Variants in NKAIN2 observed in about 807,000 individuals in gnomAD.
NKAIN2 encodes the protein sodium/potassium transporting ATPase interacting 2.
A neutral mutation model predicts 32.6 loss-of-function variants in NKAIN2; 14 were observed. The observed-to-expected ratio is 0.43, with a 90% confidence interval of 0.28 to 0.67. The LOEUF is 0.67. Ranked by LOEUF, NKAIN2 falls within the 30% of genes least tolerant of loss-of-function variation. The pLI is 0.17. For missense variants in NKAIN2, 198 were observed against 258.3 expected, an observed-to-expected ratio of 0.77 and a Z score of 1.60; for synonymous variants, 80 against 87.2, an observed-to-expected ratio of 0.92 and a Z score of 0.46.
intron 2 of NKAIN2, among the ~76,000 whole-genome samples, chr6:124,290,841 T>C (rs1795777173): frequency 6.6e-6 from 1 of 152,100 alleles, no homozygotes. Flanking sequence ...AGTCCGTTTA[T>C]ATTTGACCAT....
At chr6:124,812,461 A>G (rs1018758808) in intron 5 of NKAIN2, among the ~76,000 whole-genome samples, 9 of 152,186 alleles carry the variant, frequency 5.9e-5, no homozygotes, top group Non-Finnish European at 2.9e-5. Flanking sequence ...AGAAAACAGT[A>G]AATCTCATGT....
Position 124,564,678 on chromosome 6 carries a change from G to A in NKAIN2, c.274-93508G>A, listed in dbSNP as rs143855954. Among the ~76,000 whole-genome samples, 600 of 152,250 alleles carry A rather than the reference G, an allele frequency of 3.9e-3. 1 individual carries two copies. The highest frequency in any genetic ancestry group is 5.9e-3 in the African/African-American group (245 of 41,546). On this transcript the variant is annotated intron_variant, in intron 3 of 6. Coordinates refer to ENST00000368417, the MANE Select transcript of NKAIN2 (RefSeq NM_001040214.3). ...AAGTCAGCAAGACCAAGAACCCACC[G>A]GAGGGAACCAATCCTGGACACAGAA...
intron 1 of NKAIN2, among the ~76,000 whole-genome samples, chr6:124,267,212 C>T (rs1794531775): frequency 6.6e-6 from 1 of 152,088 alleles, no homozygotes; most frequent in Non-Finnish European, 1.5e-5. Flanking sequence ...GTACAGGATC[C>T]TGATTATTTA....
At chr6:124,291,320 C>T (rs1437035893) in intron 2 of NKAIN2, among the ~76,000 whole-genome samples, 1 of 150,994 alleles carries the variant, frequency 6.6e-6, no homozygotes, top group Non-Finnish European at 1.5e-5. Context: ...AATGGCGTGT[C>T]TAAATGTGAA....
At chr6:124,251,412 A>G (rs887260203) in intron 1 of NKAIN2, among the ~76,000 whole-genome samples, 2 of 152,006 alleles carry the variant, frequency 1.3e-5, no homozygotes, top group South Asian at 4.1e-4. Flanking sequence ...AGACATGTCA[A>G]GCCCAGAAGA....
At chr6:124,418,426 T>A (rs1250865102) in intron 3 of NKAIN2, among the ~76,000 whole-genome samples, 1 of 150,622 alleles carries the variant, frequency 6.6e-6, no homozygotes, top group Non-Finnish European at 1.5e-5. Context: ...TTTGTTAGAA[T>A]AACTGAACCC....
At chr6:124,116,547 A>G (rs996231113) in intron 1 of NKAIN2, among the ~76,000 whole-genome samples, 4 of 152,138 alleles carry the variant, frequency 2.6e-5, no homozygotes, top group African/African-American at 9.7e-5. Context: ...GAAGGATCCT[A>G]AAAACTTGGA....
At chr6:124,173,137 C>T (rs989039735) in intron 1 of NKAIN2, among the ~76,000 whole-genome samples, 1 of 152,056 alleles carries the variant, frequency 6.6e-6, no homozygotes, top group African/African-American at 2.4e-5. Context: ...TGAAATATTT[C>T]AAATTGTCTA....
At chr6:124,790,049 G>A (rs1319433628) in intron 4 of NKAIN2, among the ~76,000 whole-genome samples, 1 of 151,998 alleles carries the variant, frequency 6.6e-6, no homozygotes, top group Non-Finnish European at 1.5e-5. Context: ...TGCCTCCCCA[G>A]TGTGGGCACT....
chr6:123,942,905 C>G (rs1776885890), intron 1 of NKAIN2, among the ~76,000 whole-genome samples: 1 of 151,976 alleles, frequency 6.6e-6, no homozygotes, highest in African/African-American at 2.4e-5. Flanking sequence ...CTCATTGATA[C>G]AATAATTGAG....
At chr6:124,269,370 A>G (rs1794642139) in intron 1 of NKAIN2, among the ~76,000 whole-genome samples, 1 of 152,132 alleles carries the variant, frequency 6.6e-6, no homozygotes, top group African/African-American at 2.4e-5. Flanking sequence ...GACAAATTCT[A>G]AAACGTCCCT....
intron 3 of NKAIN2, among the ~76,000 whole-genome samples, chr6:124,654,896 T>C (rs1030221995): frequency 2.6e-5 from 4 of 152,126 alleles, no homozygotes; most frequent in Admixed American, 6.6e-5. Context: ...GATCTTAGAA[T>C]TTTGGCCTCT....
chr6:124,741,123 A>G (rs1777185853), intron 4 of NKAIN2, among the ~76,000 whole-genome samples: 1 of 151,766 alleles, frequency 6.6e-6, no homozygotes, highest in African/African-American at 2.4e-5. Flanking sequence ...CTTCTCACTG[A>G]GATGGGGACA....
At chr6:123,829,669 G>T (rs150623625) in intron 1 of NKAIN2, among the ~76,000 whole-genome samples, 245 of 152,192 alleles carry the variant, frequency 1.6e-3, no homozygotes, top group African/African-American at 5.6e-3. Flanking sequence ...GCAGAGGGGT[G>T]GGGAGGTTTG....
intron 1 of NKAIN2, among the ~76,000 whole-genome samples, chr6:124,000,360 G>T (rs1779825629): frequency 6.6e-6 from 1 of 151,946 alleles, no homozygotes. Flanking sequence ...TTCTAGGATG[G>T]AATATTTGTC....
At chr6:124,160,772 AT>A (rs575025855) in intron 1 of NKAIN2, among the ~76,000 whole-genome samples, 14 of 152,096 alleles carry the variant, frequency 9.2e-5, no homozygotes, top group Admixed American at 3.9e-4. Flanking sequence ...AAATGTTTTA[AT>A]TTTTTTAGAA....
intron 1 of NKAIN2, among the ~76,000 whole-genome samples, chr6:123,827,816 C>A (rs550992447): frequency 6.8e-6 from 1 of 146,914 alleles, no homozygotes; most frequent in South Asian, 2.4e-4. Context: ...AGCATTGGCT[C>A]TGTTAAAAAA....
intron 2 of NKAIN2, among the ~76,000 whole-genome samples, chr6:124,337,392 A>G (rs189206213): frequency 6.6e-6 from 1 of 152,284 alleles, no homozygotes; most frequent in Admixed American, 6.5e-5. Context: ...CTGTAGTCCC[A>G]GCTGCTCAAC....
chr6:124,651,689 G>T (rs934793344), intron 3 of NKAIN2, among the ~76,000 whole-genome samples: 2 of 152,244 alleles, frequency 1.3e-5, no homozygotes, highest in Non-Finnish European at 2.9e-5. Context: ...GGGAACAGAG[G>T]CCCAAAGTGG....
Sources: allele counts gnomAD v4.1 joint callset (sites outside exome capture counted in the v4.1 genomes callset), GRCh38; gene constraint gnomAD v4.1.1; transcripts MANE v1.5; gene names NCBI Gene and HGNC (gene_info 2026-07-23, HGNC 2026-07-21).